FABP12: variants seen among roughly 807,000 people sequenced by gnomAD.
FABP12 encodes fatty acid binding protein 12.
A neutral mutation model predicts 13.7 loss-of-function variants in FABP12; 19 were observed. The ratio of observed to expected loss-of-function variants is 1.39; its 90% confidence interval spans 0.97 to 2.04. The LOEUF (loss-of-function observed/expected upper bound fraction) is 2.04. Among genes scored for constraint, FABP12 ranks in the 30% most tolerant of loss-of-function variants. The pLI is 0.00. For missense variants in FABP12, 182 were observed against 164.2 expected (o/e 1.11, Z -0.59); for synonymous variants, 61 against 57.0 (o/e 1.07, Z -0.32).
intron 4 of FABP12, among the ~76,000 whole-genome samples, chr8:81,525,555 T>TGATAGATA (rs571165240): frequency 4.7e-5 from 7 of 148,418 alleles, no homozygotes; most frequent in African/African-American, 1.5e-4. Flanking sequence ...GATAGATAGA[T>TGATAGATA]GATAGATAGA....
At chr8:81,529,320 T>C in intron 3 of FABP12, 118 bp downstream of exon 3, 2 of 1,004,072 alleles carry the variant, frequency 2.0e-6, no homozygotes, top group East Asian at 2.4e-5. Flanking sequence ...ACCTATGTTT[T>C]AGACAAAAGT....
At chr8:81,534,945 TA>T (rs147191229), upstream of FABP12, among the ~76,000 whole-genome samples, 13,717 of 149,668 alleles carry the variant, frequency 0.092, 691 homozygotes, top group Non-Finnish European at 0.11. Flanking sequence ...CTCAAAAAAT[TA>T]AAAAAAAAAT....
chr8:81,561,737 G>A (rs1809727006), intron 1 of FABP12, among the ~76,000 whole-genome samples: 1 of 152,166 alleles, frequency 6.6e-6, no homozygotes, highest in Non-Finnish European at 1.5e-5. Context: ...TGCCCACAGA[G>A]GGAGAACTGA....
intron 1 of FABP12, among the ~76,000 whole-genome samples, chr8:81,571,471 C>G (rs773422949): frequency 6.6e-6 from 1 of 152,242 alleles, no homozygotes; most frequent in Non-Finnish European, 1.5e-5. Context: ...GCTGCTCCCT[C>G]AGCCTCCTCT....
At chr8:81,565,739 A>G (rs1439379169) in intron 1 of FABP12, among the ~76,000 whole-genome samples, 1 of 152,058 alleles carries the variant, frequency 6.6e-6, no homozygotes. Context: ...AACTTCAAAT[A>G]TACAACCTAA....
At chr8:81,534,837 G>A (rs899890943), upstream of FABP12, among the ~76,000 whole-genome samples, 6 of 152,136 alleles carry the variant, frequency 3.9e-5, no homozygotes, top group South Asian at 2.1e-4. Context: ...CCAGCTTCTC[G>A]GGAGGCTGAG....
chr8:81,580,350 A>C (rs1489048915), intron 1 of FABP12, among the ~76,000 whole-genome samples: 1 of 151,896 alleles, frequency 6.6e-6, no homozygotes, highest in Non-Finnish European at 1.5e-5. Flanking sequence ...ATACACTTAC[A>C]TGCCTTTAGA....
intron 1 of FABP12, among the ~76,000 whole-genome samples, chr8:81,589,079 C>T (rs369475729): frequency 3.3e-5 from 5 of 152,100 alleles, no homozygotes; most frequent in East Asian, 1.9e-4. Flanking sequence ...TTTCAAGATG[C>T]TGAAGGAACC....
At chr8:81,532,258 G>T (rs1809094203) in intron 1 of FABP12, among the ~76,000 whole-genome samples, 1 of 152,192 alleles carries the variant, frequency 6.6e-6, no homozygotes, top group African/African-American at 2.4e-5. Flanking sequence ...GGACATCATT[G>T]TTAATTCTAG....
At chr8:81,558,290 T>C (rs1027775949) in intron 1 of FABP12, among the ~76,000 whole-genome samples, 3 of 152,200 alleles carry the variant, frequency 2.0e-5, no homozygotes, top group Admixed American at 2.0e-4. Flanking sequence ...CTCTTCCATA[T>C]GGACCTAAGA....
chr8:81,531,928 A>G (rs1269023730), intron 1 of FABP12, among the ~76,000 whole-genome samples: 1 of 148,642 alleles, frequency 6.7e-6, no homozygotes, highest in Admixed American at 6.6e-5. Context: ...GAAAGAGATC[A>G]TGTTACAAAC....
In FABP12 at chr8:81,530,391, T is replaced by A. The variant is rs184841941; in HGVS notation, c.74-781A>T. Reference sequence around the variant, plus strand: ...GTCTGTCTCCCTGTTGATGAACAATTCATTTGTTTCCATTTTGGTTATTAC... The same window carrying A: ...GTCTGTCTCCCTGTTGATGAACAATACATTTGTTTCCATTTTGGTTATTAC... On this transcript the variant is annotated intron_variant, in intron 2 of 4. Transcript: ENST00000360464. Among the ~76,000 whole-genome samples the A allele has an allele frequency of 1.6e-3, 237 of 152,350 alleles. 1 individual carries two copies. The highest frequency in any genetic ancestry group is 5.2e-3 in the African/African-American group (217 of 41,590).
intron 1 of FABP12, among the ~76,000 whole-genome samples, chr8:81,563,172 C>T (rs1809753859): frequency 6.6e-6 from 1 of 152,212 alleles, no homozygotes; most frequent in African/African-American, 2.4e-5. Flanking sequence ...TCCAAGTCCA[C>T]CAAGGTGGTA....
At chr8:81,549,364 A>G (rs1229082592) in intron 1 of FABP12, among the ~76,000 whole-genome samples, 1 of 152,180 alleles carries the variant, frequency 6.6e-6, no homozygotes, top group Non-Finnish European at 1.5e-5. Context: ...GACACGGTAA[A>G]GAGCTTGGTC....
intron 1 of FABP12, among the ~76,000 whole-genome samples, chr8:81,556,027 T>C (rs1809608901): frequency 6.6e-6 from 1 of 152,208 alleles, no homozygotes; most frequent in Admixed American, 6.5e-5. Flanking sequence ...TCATGCTTTT[T>C]TAATGAGCAG....
In FABP12 at chr8:81,554,871, G is replaced by A. The variant is rs1022076860; in HGVS notation, c.-184-15128C>T. ...GAAAGTTTACGAATTTGTGTTGGGC[G>A]GCATTCAAAGCCATGCTAGGTCGTG... is the stretch of plus-strand genomic sequence containing the variant. On this transcript the variant is annotated intron_variant, in intron 1 of 5. Coordinates refer to the FABP12 transcript ENST00000692030. Among the ~76,000 whole-genome samples the A allele has an allele frequency of 3.9e-5, 6 of 152,038 alleles. No homozygotes were observed. In the South Asian group the frequency reaches 6.2e-4, roughly 16 times the overall value.
intron 1 of FABP12, among the ~76,000 whole-genome samples, chr8:81,574,069 G>A (rs1006575707): frequency 2.0e-5 from 3 of 152,112 alleles, no homozygotes; most frequent in Non-Finnish European, 2.9e-5. Context: ...TCCCCATTTA[G>A]TATTATGTTG....
intron 1 of FABP12, among the ~76,000 whole-genome samples, chr8:81,563,015 C>G (rs1809750207): frequency 6.6e-6 from 1 of 152,196 alleles, no homozygotes; most frequent in Admixed American, 6.5e-5. Context: ...CCAGCACAGA[C>G]CCAGTGGGGG....
At chr8:81,537,116 A>G (rs1300298121), upstream of FABP12, among the ~76,000 whole-genome samples, 1 of 152,226 alleles carries the variant, frequency 6.6e-6, no homozygotes, top group Non-Finnish European at 1.5e-5. Flanking sequence ...TATGCCATGG[A>G]TAATGCCAAC....
Sources: allele counts gnomAD v4.1 joint callset (sites outside exome capture counted in the v4.1 genomes callset), GRCh38; gene constraint gnomAD v4.1.1; transcripts MANE v1.5; gene names NCBI Gene and HGNC (gene_info 2026-07-23, HGNC 2026-07-21).